TNFRSF19: variants seen among roughly 807,000 people sequenced by gnomAD.
The protein encoded by TNFRSF19 is tumor necrosis factor receptor superfamily member 19.
A neutral mutation model predicts 46.4 loss-of-function variants in TNFRSF19; 27 were observed. The observed-to-expected ratio is 0.58, with a 90% CI of 0.43 to 0.80. TNFRSF19 has a LOEUF of 0.80. TNFRSF19 is among the 30% of genes least tolerant of loss of function. The probability of loss-of-function intolerance (pLI) is 0.00; values close to 1 mark genes in which losing one functional copy is unlikely to be tolerated. For synonymous variants in TNFRSF19, 204 were observed against 205.0 expected, an observed-to-expected ratio of 1.00 and a Z score of 0.04; for missense variants, 511 against 530.8, an observed-to-expected ratio of 0.96 and a Z score of 0.37.
At position 23,660,353 on chromosome 13, in the gene TNFRSF19, C is replaced by G; in HGVS notation, c.611-12C>G. The G allele has an allele frequency of 6.2e-7, 1 of 1,611,330 alleles. No homozygotes were observed. Among genetic ancestry groups the G allele is most frequent in the Non-Finnish European group, 8.5e-7 (1 of 1,178,516 alleles). On this transcript the variant is annotated splice_polypyrimidine_tract_variant and intron_variant, in intron 6 of 9. Coordinates refer to ENST00000248484, the MANE Select transcript of TNFRSF19 (RefSeq NM_148957.4). ...ACTGTGTTCCCTGACAGAGTTCTCA[C>G]CCCTCATTTAGGGTCTCTGCGGTCA...
At chr13:23,624,042 G>T (rs918038747) in intron 4 of TNFRSF19, among the ~76,000 whole-genome samples, 1 of 152,084 alleles carries the variant, frequency 6.6e-6, no homozygotes. Flanking sequence ...ATGTCATGAA[G>T]CTTTTCCTCT....
At chr13:23,607,112 T>TA (rs1245060288) in intron 3 of TNFRSF19, among the ~76,000 whole-genome samples, 6 of 139,050 alleles carry the variant, frequency 4.3e-5, no homozygotes, top group Non-Finnish European at 6.2e-5. Flanking sequence ...CGTTTATAAA[T>TA]AATCTTTTTT....
At chr13:23,656,634 T>G (rs1165620082) in intron 5 of TNFRSF19, among the ~76,000 whole-genome samples, 2 of 152,212 alleles carry the variant, frequency 1.3e-5, no homozygotes, top group Non-Finnish European at 2.9e-5. Flanking sequence ...CGACAGCTAT[T>G]GCCAAAACCC....
At chr13:23,670,682 C>A (rs990476325) in intron 9 of TNFRSF19, among the ~76,000 whole-genome samples, 2 of 152,228 alleles carry the variant, frequency 1.3e-5, no homozygotes, top group Non-Finnish European at 2.9e-5. Context: ...GAGGCCCCAG[C>A]AGCCGAGAGC....
chr13:23,660,972 T>C (rs918288956), intron 7 of TNFRSF19, among the ~76,000 whole-genome samples: 2 of 152,176 alleles, frequency 1.3e-5, no homozygotes, highest in African/African-American at 4.8e-5. Flanking sequence ...TATTGACAGA[T>C]TGAAAGTTTA....
At chr13:23,669,624 G>T (rs1407864661) in intron 9 of TNFRSF19, 1 of 985,168 alleles carries the variant, frequency 1.0e-6, no homozygotes, top group African/African-American at 1.7e-5. Context: ...TTGATTGTTG[G>T]TTGTGACCTG....
At chr13:23,619,416 T>G (rs781085647) in intron 4 of TNFRSF19, among the ~76,000 whole-genome samples, 2 of 152,166 alleles carry the variant, frequency 1.3e-5, no homozygotes, top group Non-Finnish European at 2.9e-5. Flanking sequence ...GTTATGAGGC[T>G]TCTTTGGGGG....
intron 3 of TNFRSF19, among the ~76,000 whole-genome samples, chr13:23,610,088 T>C (rs1415890337): frequency 6.6e-6 from 1 of 152,232 alleles, no homozygotes; most frequent in Non-Finnish European, 1.5e-5. Flanking sequence ...AAATAACTTC[T>C]CCATCCACAT....
At chr13:23,585,629 T>G (rs561920218) in intron 1 of TNFRSF19, 48 of 152,384 alleles carry the variant, frequency 3.1e-4, no homozygotes, top group African/African-American at 1.2e-3. Context: ...GTTAATGAAT[T>G]TCTCTCTTCA....
chr13:23,600,399 A>G (rs957683782), intron 3 of TNFRSF19, among the ~76,000 whole-genome samples: 1 of 152,188 alleles, frequency 6.6e-6, no homozygotes, highest in Non-Finnish European at 1.5e-5. Flanking sequence ...GCTGTAGCCT[A>G]GGTTTGGAAA....
At chr13:23,581,804 C>G (rs1026826074) in intron 1 of TNFRSF19, among the ~76,000 whole-genome samples, 1 of 152,072 alleles carries the variant, frequency 6.6e-6, no homozygotes, top group Non-Finnish European at 1.5e-5. Context: ...CAATTCTACC[C>G]CTGAAAAATT....
chr13:23,674,689 A>AT lies in TNFRSF19; in HGVS notation c.*1315dup, dbSNP rs1951804268. On this transcript the variant is annotated 3_prime_UTR_variant, in exon 10 of 10. Coordinates refer to ENST00000248484, the MANE Select transcript of TNFRSF19 (RefSeq NM_148957.4). ...GAGAAGACCTACTTGAACAGGGCAT[A>AT]TTTTTTAGACTTCTGAACATCAGTA... The AT allele has an allele frequency of 6.6e-6, 1 of 152,190 alleles. No individual in the cohort carries two copies. The highest frequency in any genetic ancestry group is 6.5e-5 in the Admixed American group (1 of 15,276). 9.4% of individuals were successfully genotyped at this position (152,190 alleles called of 1,614,324 possible).
At chr13:23,626,826 ACG>A in intron 5 of TNFRSF19, 34 bp downstream of exon 5, 2 of 1,587,854 alleles carry the variant, frequency 1.3e-6, no homozygotes, top group Non-Finnish European at 8.6e-7. Context: ...AGCCAAGGGG[ACG>A]CCTGGCCTTT....
At chr13:23,579,518 G>C (rs1878236618) in intron 1 of TNFRSF19, 1 of 152,508 alleles carries the variant, frequency 6.6e-6, no homozygotes, top group African/African-American at 2.4e-5. Flanking sequence ...AGCCTCCCAG[G>C]TGGCTGGGAA....
rs1482341635 is a variant in TNFRSF19, at chr13:23,673,514, AT to A, written c.*137del. 4 of 1,352,256 alleles carry A rather than the reference AT, an allele frequency of 3.0e-6. No individual in the cohort carries two copies. In the East Asian group the frequency reaches 1.1e-4, roughly 37 times the overall value. The allele number at this position is 1,352,256 out of a possible 1,614,324, so 83.8% of individuals were successfully genotyped here. A position where few individuals can be genotyped will look rare whatever the true frequency, so the allele number is the denominator to read the frequency against. ...AATAAATCTGAACCAAACTGACGGC[AT>A]TTGAAGCCTTTCAGCCAGTTGCTTC... On this transcript the variant is annotated 3_prime_UTR_variant, in exon 10 of 10. Transcript: ENST00000248484.
chr13:23,623,420 G>GT (rs1881799713), intron 4 of TNFRSF19, among the ~76,000 whole-genome samples: 1 of 152,210 alleles, frequency 6.6e-6, no homozygotes. Context: ...AAGCATGCAA[G>GT]TATCTCTTCA....
At chr13:23,596,600 G>T (rs1302765744) in intron 3 of TNFRSF19, among the ~76,000 whole-genome samples, 1 of 150,670 alleles carries the variant, frequency 6.6e-6, no homozygotes, top group Non-Finnish European at 1.5e-5. Flanking sequence ...GATTTACAAA[G>T]CAAGTTCTTA....
At chr13:23,651,403 T>C (rs1883620207) in intron 5 of TNFRSF19, among the ~76,000 whole-genome samples, 1 of 152,236 alleles carries the variant, frequency 6.6e-6, no homozygotes, top group Non-Finnish European at 1.5e-5. Context: ...GTAAAAATGC[T>C]TGCATTTCCA....
At chr13:23,603,204 GT>G (rs1342242551) in intron 3 of TNFRSF19, among the ~76,000 whole-genome samples, 1 of 152,006 alleles carries the variant, frequency 6.6e-6, no homozygotes, top group Non-Finnish European at 1.5e-5. Flanking sequence ...GAACAACTCA[GT>G]GCCCACACAT....
Sources: gnomAD v4.1 joint callset for allele counts (sites outside exome capture counted in the v4.1 genomes callset) on GRCh38, gnomAD v4.1.1 for gene constraint, MANE v1.5 for transcripts, NCBI Gene and HGNC (gene_info 2026-07-23, HGNC 2026-07-21) for gene names.